PTPRT: variants seen among roughly 807,000 people sequenced by gnomAD.
The protein encoded by PTPRT is protein tyrosine phosphatase receptor type T, also known as receptor-type tyrosine-protein phosphatase T.
In PTPRT, 56 loss-of-function variants were observed where a neutral mutation model predicts 176.8. That is an observed-to-expected ratio of 0.32 (90% CI 0.26 to 0.40). The LOEUF (loss-of-function observed/expected upper bound fraction) is 0.40, where lower values mean the gene tolerates loss of function less well. Ranked by LOEUF, PTPRT falls within the 10% of genes least tolerant of loss-of-function variation. The pLI, the probability that PTPRT is intolerant of heterozygous loss-of-function variation, is 1.00. For synonymous variants in PTPRT, 783 were observed against 739.0 expected (o/e 1.06, Z -0.96); for missense variants, 1,540 against 1,908.2 (o/e 0.81, Z 3.60).
At chr20:42,766,964 G>A (rs943728774) in intron 5 of PTPRT, among the ~76,000 whole-genome samples, 5 of 152,126 alleles carry the variant, frequency 3.3e-5, no homozygotes, top group Non-Finnish European at 7.4e-5. Flanking sequence ...GAAATTCTCA[G>A]GCTAAGTCAC....
At chr20:43,092,717 T>G (rs2011934815) in intron 1 of PTPRT, among the ~76,000 whole-genome samples, 1 of 152,296 alleles carries the variant, frequency 6.6e-6, no homozygotes, top group African/African-American at 2.4e-5. Flanking sequence ...TCCTTCTTCT[T>G]CCTTTCCAGC....
At chr20:42,214,513 G>A (rs1439897473) in intron 15 of PTPRT, among the ~76,000 whole-genome samples, 1 of 152,198 alleles carries the variant, frequency 6.6e-6, no homozygotes, top group Non-Finnish European at 1.5e-5. Flanking sequence ...AACAGCAGCA[G>A]CAACAGCAGC....
At chr20:42,291,778 A>T (rs886560069) in intron 12 of PTPRT, among the ~76,000 whole-genome samples, 6 of 152,188 alleles carry the variant, frequency 3.9e-5, no homozygotes, top group African/African-American at 1.4e-4. Flanking sequence ...CTGAGGCATG[A>T]TGTAAAACGA....
intron 4 of PTPRT, among the ~76,000 whole-genome samples, chr20:42,772,727 CA>C (rs1187832606): frequency 6.6e-6 from 1 of 152,126 alleles, no homozygotes; most frequent in East Asian, 1.9e-4. Flanking sequence ...AGGAGAGGAT[CA>C]AGGAGGTTTA....
chr20:42,778,729 AG>A (rs1255474802), intron 4 of PTPRT, among the ~76,000 whole-genome samples: 3 of 152,252 alleles, frequency 2.0e-5, no homozygotes, highest in Non-Finnish European at 4.4e-5. Context: ...CCACGAGTCC[AG>A]GGTGGGGAAT....
intron 2 of PTPRT, among the ~76,000 whole-genome samples, chr20:42,814,721 C>T (rs1344208543): frequency 6.6e-6 from 1 of 152,146 alleles, no homozygotes; most frequent in African/African-American, 2.4e-5. Context: ...TGATGGCAAG[C>T]ATGTCATTCA....
the PTPRT span, among the ~76,000 whole-genome samples, chr20:42,032,169 G>A: frequency 6.6e-6 from 1 of 151,916 alleles, no homozygotes; most frequent in African/African-American, 2.4e-5. Context: ...GAGAGAGAGA[G>A]AAGGAAAAAG....
chr20:43,011,962 T>G (rs2146153283), intron 1 of PTPRT, among the ~76,000 whole-genome samples: 1 of 152,286 alleles, frequency 6.6e-6, no homozygotes, highest in Non-Finnish European at 1.5e-5. Context: ...GTTCTTCAGC[T>G]TTTGGACTTT....
Position 42,617,887 on chromosome 20 carries a change from C to T in PTPRT, c.1153+59979G>A, listed in dbSNP as rs542802402. On this transcript the variant is annotated intron_variant, in intron 7 of 30. Transcript: ENST00000373187. ...CAATTTTGTTGATCCTTTCAAAAAA[C>T]CAGCTCCTGGATTCATTGATTTTTT... Among the ~76,000 whole-genome samples, 5 of 138,474 alleles carry T rather than the reference C, an allele frequency of 3.6e-5. 1 individual carries two copies. Among genetic ancestry groups the T allele is most frequent in the South Asian group, 4.5e-4 (2 of 4,454 alleles). 90.8% of individuals were successfully genotyped at this position (138,474 alleles called of 152,430 possible).
intron 21 of PTPRT, among the ~76,000 whole-genome samples, chr20:42,117,666 A>G (rs75306403): frequency 6.6e-6 from 1 of 152,178 alleles, no homozygotes; most frequent in Non-Finnish European, 1.5e-5. Context: ...TGCGAGTGAT[A>G]TTGACAATAT....
At chr20:43,031,594 A>G (rs756611756) in intron 1 of PTPRT, among the ~76,000 whole-genome samples, 1 of 152,230 alleles carries the variant, frequency 6.6e-6, no homozygotes, top group African/African-American at 2.4e-5. Context: ...AGACAAGAAC[A>G]TGGAGGTTCA....
At chr20:42,251,993 C>T (rs946595335) in intron 13 of PTPRT, among the ~76,000 whole-genome samples, 4 of 152,078 alleles carry the variant, frequency 2.6e-5, no homozygotes, top group African/African-American at 9.7e-5. Flanking sequence ...GAGACTACTG[C>T]GGGCATTCAG....
chr20:42,816,125 A>C (rs2077780469), intron 2 of PTPRT, among the ~76,000 whole-genome samples: 1 of 152,214 alleles, frequency 6.6e-6, no homozygotes, highest in African/African-American at 2.4e-5. Context: ...GACGACAGCC[A>C]TGATTAATAT....
chr20:42,608,512 T>C (rs1308334235), intron 7 of PTPRT, among the ~76,000 whole-genome samples: 1 of 152,162 alleles, frequency 6.6e-6, no homozygotes, highest in Non-Finnish European at 1.5e-5. Context: ...TGTTCCAACA[T>C]AGCAGGATTT....
intron 1 of PTPRT, among the ~76,000 whole-genome samples, chr20:43,088,333 GGTGTGTGTGTGTGTGTGT>G (rs67837016): frequency 9.8e-5 from 14 of 142,850 alleles, no homozygotes; most frequent in South Asian, 9.2e-4. Flanking sequence ...TTTGCTTTGG[GGTGTGTGTGTGTGTGTGT>G]GTGTGTGTGT....
At chr20:42,449,374 T>A (rs910521662) in intron 8 of PTPRT, among the ~76,000 whole-genome samples, 1 of 152,186 alleles carries the variant, frequency 6.6e-6, no homozygotes, top group Non-Finnish European at 1.5e-5. Flanking sequence ...ATTTCACTAT[T>A]CTTACAACAG....
chr20:42,341,842 T>A (rs1442399299), intron 11 of PTPRT, among the ~76,000 whole-genome samples: 1 of 152,186 alleles, frequency 6.6e-6, no homozygotes, highest in East Asian at 1.9e-4. Context: ...TAGAACACTC[T>A]TTCGATCTTC....
intron 1 of PTPRT, among the ~76,000 whole-genome samples, chr20:43,161,049 C>T (rs2014681271): frequency 6.6e-6 from 1 of 152,138 alleles, no homozygotes; most frequent in African/African-American, 2.4e-5. Context: ...CCACTGTGTC[C>T]AGCCAACTAG....
intron 1 of PTPRT, among the ~76,000 whole-genome samples, chr20:42,994,688 T>TA (rs1984131073): frequency 6.6e-6 from 1 of 152,216 alleles, no homozygotes; most frequent in Non-Finnish European, 1.5e-5. Context: ...TGAGCAGAAT[T>TA]AAAAATTCAC....
Sources: gnomAD v4.1 joint callset for allele counts (sites outside exome capture counted in the v4.1 genomes callset) on GRCh38, gnomAD v4.1.1 for gene constraint, MANE v1.5 for transcripts, NCBI Gene and HGNC (gene_info 2026-07-23, HGNC 2026-07-21) for gene names.